The following MKNK2 variants were observed in gnomAD, a reference collection of about 807,000 sequenced individuals.
MKNK2 encodes MAP kinase-interacting serine/threonine-protein kinase 2.
MKNK2 carries 54 observed loss-of-function variants against 55.0 expected under a neutral mutation model. The ratio of observed to expected loss-of-function variants is 0.98; its 90% CI spans 0.79 to 1.23. The LOEUF (loss-of-function observed/expected upper bound fraction) is 1.23. Ranked by LOEUF, MKNK2 falls within the 50% of genes most tolerant of loss-of-function variation. MKNK2 has a pLI of 0.00. For missense variants in MKNK2, 685 were observed against 632.1 expected, an observed-to-expected ratio of 1.08 and a Z score of -0.90; for synonymous variants, 323 against 256.0, an observed-to-expected ratio of 1.26 and a Z score of -2.50.
Position 2,046,175 on chromosome 19 carries a change from C to T in MKNK2, c.339+11G>A, listed in dbSNP as rs745481818. The T allele has an allele frequency of 1.5e-5, 24 of 1,607,122 alleles. 1 individual carries two copies. In the Middle Eastern group the frequency reaches 5.0e-4, roughly 34 times the overall value. On this transcript the variant is annotated intron_variant, in intron 5 of 13. Coordinates refer to ENST00000250896, the MANE Select transcript of MKNK2 (RefSeq NM_199054.3). ...AGGCGCTGGGTTCCCCAGGGCGCGG[C>T]GCGGGCCCACCTTGACGGCGTACTC...
Position 2,039,182 on chromosome 19 carries a change from G to A in MKNK2, c.*431C>T. On this transcript the variant is annotated 3_prime_UTR_variant, in exon 14 of 14. Coordinates refer to ENST00000250896, the MANE Select transcript of MKNK2 (RefSeq NM_199054.3). ...CTGCGGGCTGGGAGGGAACACGAGG[G>A]CAGGGTCCTGTGCCCCTCCCCAGCT... 1 of 1,009,332 alleles carries A rather than the reference G, an allele frequency of 9.9e-7. No individual in the cohort carries two copies. Among genetic ancestry groups the A allele is most frequent in the Non-Finnish European group, 1.2e-6 (1 of 845,012 alleles). 62.5% of individuals were successfully genotyped at this position (1,009,332 alleles called of 1,614,324 possible).
intron 12 of MKNK2, 34 bp from the exon 13 acceptor site, chr19:2,040,211 A>G: frequency 2.0e-6 from 3 of 1,534,152 alleles, no homozygotes; most frequent in Non-Finnish European, 2.6e-6. Flanking sequence ...AGGGCTGGAG[A>G]GCAGCTGGGG....
rs762144278 is a variant in MKNK2 at position 2,042,830 on chromosome 19, G to T, written c.534C>A (p.Asn178Lys). 12 of 1,576,776 alleles carry T rather than the reference G, an allele frequency of 7.6e-6. No individual in the cohort carries two copies. The highest frequency in any genetic ancestry group is 9.5e-6 in the Non-Finnish European group (11 of 1,161,050). The change falls in exon 8 of 14, where the codon AAC (asparagine) becomes AAA (lysine). Residue 178 changes from asparagine to lysine, a missense_variant. By Grantham distance (94) the Asn-to-Lys change is moderately conservative. Transcript: ENST00000250896. ...LSHIHKRRHF[N>K]ELEASVVVQD... ...GCACCACCACGCTGGCCTCCAGCTC[G>T]TTGAAGTGCCGGCGCTTGTGGATGT...
chr19:2,049,252 G>A (rs1015401697), intron 2 of MKNK2, among the ~76,000 whole-genome samples: 4 of 152,242 alleles, frequency 2.6e-5, no homozygotes, highest in Admixed American at 1.3e-4. Context: ...ATCTGCGAAC[G>A]GAAAGAAACC....
chr19:2,037,926 A>G lies in MKNK2; in HGVS notation c.*1687T>C. On this transcript the variant is annotated 3_prime_UTR_variant, in exon 14 of 14. Coordinates refer to ENST00000250896, the MANE Select transcript of MKNK2 (RefSeq NM_199054.3). ...GGGCGCCTGCAGCGGGCGGGGGTCC[A>G]TTTGCTTGTTCTTTGATACAAAAAG... The G allele has an allele frequency of 1.4e-6, 2 of 1,395,134 alleles. No individual in the cohort carries two copies. The highest frequency in any genetic ancestry group is 1.9e-6 in the Non-Finnish European group (2 of 1,059,488). The allele number at this position is 1,395,134 out of a possible 1,614,324, so 86.4% of individuals were successfully genotyped here.
In MKNK2 at chr19:2,039,454, C is replaced by A; in HGVS notation, c.*159G>T. The A allele has an allele frequency of 7.1e-7, 1 of 1,398,654 alleles. No individual in the cohort carries two copies. The allele number at this position is 1,398,654 out of a possible 1,614,324, so 86.6% of individuals were successfully genotyped here. ...AAACAGGAAAAAAAAAACCCAAAAGCAAAAACCTTCTATAAAACACCCCCC... is the reference window on the plus strand; with the variant it reads ...AAACAGGAAAAAAAAAACCCAAAAGAAAAAACCTTCTATAAAACACCCCCC... On this transcript the variant is annotated 3_prime_UTR_variant, in exon 14 of 14. Coordinates refer to ENST00000250896, the MANE Select transcript of MKNK2 (RefSeq NM_199054.3).
intron 2 of MKNK2, among the ~76,000 whole-genome samples, chr19:2,050,330 G>A (rs1005770879): frequency 3.9e-5 from 6 of 152,224 alleles, no homozygotes; most frequent in Non-Finnish European, 7.4e-5. Flanking sequence ...GATTCTGAAA[G>A]AAAGTCCCCA....
intron 13 of MKNK2, 43 bp downstream of exon 13, chr19:2,040,091 G>A (rs367723831): frequency 2.4e-5 from 38 of 1,554,916 alleles, no homozygotes; most frequent in East Asian, 9.2e-5. Flanking sequence ...TGGAAACCCC[G>A]CCCCCTGGAC....
At position 2,040,190 on chromosome 19, in the gene MKNK2, TGGGCG is replaced by T. The variant is rs2016846079; in HGVS notation, c.1111-18_1111-14del. On this transcript the variant is annotated splice_polypyrimidine_tract_variant and intron_variant, in intron 12 of 13. Coordinates refer to ENST00000250896, the MANE Select transcript of MKNK2 (RefSeq NM_199054.3). ...TCTCCGGGGCGCACTGCAACGAGAG[TGGGCG>T]GGGGCAGGGCTGGAGAGCAGCTGGG... is the stretch of plus-strand genomic sequence containing the variant. 6.4e-7 allele frequency: 1 copy of T among 1,568,908 alleles called. No homozygotes were observed. The highest frequency in any genetic ancestry group is 1.4e-5 in the African/African-American group (1 of 73,924).
chr19:2,051,030 C>G (rs1390987010), intron 1 of MKNK2, 66 bp downstream of exon 1: 2 of 374,682 alleles, frequency 5.3e-6, no homozygotes, highest in Non-Finnish European at 9.4e-6. Context: ...GCGGCGAGGG[C>G]TCCGCGGGGC....
intron 12 of MKNK2, 64 bp downstream of exon 12, chr19:2,040,976 T>C (rs772073852): frequency 6.5e-7 from 1 of 1,529,166 alleles, no homozygotes; most frequent in Non-Finnish European, 9.0e-7. Context: ...CTTCCCATGC[T>C]CGCTCTGAGG....
Position 2,046,593 on chromosome 19 carries a change from G to T in MKNK2, c.139+11C>A. 6.4e-7 allele frequency: 1 copy of T among 1,561,280 alleles called. No individual in the cohort carries two copies. ...GCTGCCCTGTGCCCTCCTCCCCCTC[G>T]GGCCCCTCACCAGGGCGGGCTGAGC... On this transcript the variant is annotated intron_variant, in intron 3 of 13. Transcript: ENST00000250896.
At position 2,039,733 on chromosome 19, in the gene MKNK2, C is replaced by A. The variant is rs775862499; in HGVS notation, c.1278G>T (p.Leu426=). 24 of 1,611,032 alleles carry A rather than the reference C, an allele frequency of 1.5e-5. No homozygotes were observed. Among genetic ancestry groups the A allele is most frequent in the Middle Eastern group, 3.3e-4 (2 of 6,078 alleles). ...GCAGGCAGCGTGAGGTAGCTCGGAC[C>A]AGGACGGGCTGGCCCTGCCCCGCGG... ...EEAAGQGQPV[L]VRATSRCLQL... is the part of the protein sequence containing the mutation. The change falls in exon 14 of 14, where the codon CTG becomes CTT. Residue 426 remains leucine, a synonymous_variant. Coordinates refer to ENST00000250896, the MANE Select transcript of MKNK2 (RefSeq NM_199054.3).
chr19:2,046,661 G>A lies in MKNK2; in HGVS notation c.82C>T (p.Leu28=), dbSNP rs746495233. The A allele has an allele frequency of 1.9e-6, 3 of 1,553,278 alleles. No individual in the cohort carries two copies. The highest frequency in any genetic ancestry group is 2.7e-5 in the African/African-American group (2 of 73,630). Residue 28 remains leucine, a synonymous_variant, in exon 3 of 14, where the codon CTA becomes TTA. Coordinates refer to ENST00000250896, the MANE Select transcript of MKNK2 (RefSeq NM_199054.3). ...GAGTCTCCGTGGTCGGGCTGGTCTA[G>A]GGAGAAGGCCAGCTCGAAGGGGTTC... The part of the protein sequence containing the change: ...GQNPFELAFS[L]DQPDHGDSDF...
chr19:2,042,593 CG>C lies in MKNK2; in HGVS notation c.654+13del. ...CACCCCTCCCGCGGGGCCACCCTGC[CG>C]GAACTGGCCTACCTGGTTGGGGTGC... On this transcript the variant is annotated intron_variant, in intron 9 of 13. Transcript: ENST00000250896. The C allele has an allele frequency of 6.4e-7, 1 of 1,568,052 alleles. No homozygotes were observed. The highest frequency in any genetic ancestry group is 1.2e-5 in the South Asian group (1 of 85,296).
chr19:2,042,376 G>A (rs773382856), intron 10 of MKNK2, 51 bp downstream of exon 10: 7 of 1,491,410 alleles, frequency 4.7e-6, no homozygotes, highest in Non-Finnish European at 6.4e-6. Flanking sequence ...GCGAGGTTAT[G>A]CAACCGCAGA....
intron 2 of MKNK2, among the ~76,000 whole-genome samples, chr19:2,047,880 T>C (rs551049808): frequency 6.6e-6 from 1 of 152,086 alleles, no homozygotes; most frequent in South Asian, 2.1e-4. Flanking sequence ...CCTGCATTCC[T>C]CCGCCCATGT....
At chr19:2,040,632 C>A in intron 12 of MKNK2, 1 of 291,054 alleles carries the variant, frequency 3.4e-6, no homozygotes, top group Non-Finnish European at 6.5e-6. Flanking sequence ...CTCAGATGAC[C>A]TCTGGCAGGA....
At chr19:2,048,170 C>T (rs562169625) in intron 2 of MKNK2, among the ~76,000 whole-genome samples, 2 of 152,030 alleles carry the variant, frequency 1.3e-5, no homozygotes, top group African/African-American at 2.4e-5. Context: ...CTAAGGAAGC[C>T]GCCTTGGGCC....
Sources: allele counts gnomAD v4.1 joint callset (sites outside exome capture counted in the v4.1 genomes callset), GRCh38; gene constraint gnomAD v4.1.1; transcripts MANE v1.5; gene names NCBI Gene and HGNC (gene_info 2026-07-23, HGNC 2026-07-21).